Variants in DYRK1A observed in about 807,000 individuals in gnomAD.
The protein encoded by DYRK1A is dual specificity tyrosine phosphorylation regulated kinase 1A.
In DYRK1A, 9 loss-of-function variants were observed where a neutral mutation model predicts 79.7. That is an observed-to-expected ratio of 0.11 (90% CI 0.07 to 0.20). The LOEUF (loss-of-function observed/expected upper bound fraction) is 0.20, where lower values mean the gene tolerates loss of function less well. Among genes scored for constraint, DYRK1A ranks in the 10% least tolerant of loss-of-function variants. DYRK1A has a pLI of 1.00. For synonymous variants in DYRK1A, 349 were observed against 329.7 expected, an observed-to-expected ratio of 1.06 and a Z score of -0.63; for missense variants, 622 against 956.0, an observed-to-expected ratio of 0.65 and a Z score of 4.61.
intron 2 of DYRK1A, among the ~76,000 whole-genome samples, chr21:37,435,569 A>T (rs972491293): frequency 1.3e-5 from 2 of 152,240 alleles, no homozygotes; most frequent in Non-Finnish European, 2.9e-5. Context: ...ACTTCATAAC[A>T]CAAAAGGAAA....
chr21:37,373,546 C>A (rs1281652451), intron 1 of DYRK1A, among the ~76,000 whole-genome samples: 2 of 152,138 alleles, frequency 1.3e-5, no homozygotes, highest in Non-Finnish European at 2.9e-5. Context: ...TATGGTGGCA[C>A]CACGATGTGA....
chr21:37,490,284 T>C lies in DYRK1A; in HGVS notation c.747T>C (p.Ser249=), dbSNP rs1271779380. ...GAAACACCAATTTCCGAGGGGTCTC[T>C]TTGAACCTAACACGAAAGTTTGCGC... The part of the protein sequence containing the change: ...LLRNTNFRGV[S]LNLTRKFAQQ... The change falls in exon 7 of 12, where the codon TCT becomes TCC. Residue 249 remains serine, a synonymous_variant. Transcript: ENST00000647188. 6.2e-7 allele frequency: 1 copy of C among 1,613,886 alleles called. No individual in the cohort carries two copies. The highest frequency in any genetic ancestry group is 8.5e-7 in the Non-Finnish European group (1 of 1,179,790).
chr21:37,445,220 A>ACTT (rs1370473756), intron 2 of DYRK1A, among the ~76,000 whole-genome samples: 1 of 152,220 alleles, frequency 6.6e-6, no homozygotes, highest in African/African-American at 2.4e-5. Flanking sequence ...CCTGCTTGTC[A>ACTT]CTTACAGAAG....
At chr21:37,495,979 T>A in intron 8 of DYRK1A, 139 bp from the exon 9 acceptor site, 2 of 740,498 alleles carry the variant, frequency 2.7e-6, no homozygotes, top group Non-Finnish European at 4.3e-6. Context: ...TTGTGTTTGT[T>A]CATTACTGTA....
intron 1 of DYRK1A, among the ~76,000 whole-genome samples, chr21:37,403,215 T>A (rs1343177580): frequency 1.3e-5 from 2 of 152,138 alleles, no homozygotes; most frequent in Non-Finnish European, 2.9e-5. Context: ...TTCTTTTTTT[T>A]ATAATTTTTA....
intron 8 of DYRK1A, among the ~76,000 whole-genome samples, chr21:37,494,395 C>T (rs1248591885): frequency 1.3e-5 from 2 of 152,048 alleles, no homozygotes; most frequent in African/African-American, 4.8e-5. Flanking sequence ...CCTCTGATGC[C>T]AGTTCTCTCA....
At chr21:37,366,666 C>T (rs2049311743), upstream of DYRK1A, among the ~76,000 whole-genome samples, 1 of 151,670 alleles carries the variant, frequency 6.6e-6, no homozygotes, top group South Asian at 2.1e-4. Context: ...CGGAATCTGC[C>T]GTTACCTGAG....
chr21:37,435,812 A>G (rs1298471217), intron 2 of DYRK1A, among the ~76,000 whole-genome samples: 2 of 152,164 alleles, frequency 1.3e-5, no homozygotes, highest in African/African-American at 4.8e-5. Flanking sequence ...TAGTCTAGCA[A>G]ATAAGAGCAT....
intron 1 of DYRK1A, among the ~76,000 whole-genome samples, chr21:37,381,646 A>G (rs1376934777): frequency 6.6e-6 from 1 of 152,174 alleles, no homozygotes; most frequent in East Asian, 1.9e-4. Flanking sequence ...TATAAGTGCT[A>G]TAGCCAGGTG....
At chr21:37,473,886 C>T (rs1186683830) in intron 3 of DYRK1A, among the ~76,000 whole-genome samples, 1 of 152,118 alleles carries the variant, frequency 6.6e-6, no homozygotes, top group African/African-American at 2.4e-5. Context: ...AGAATTGGGA[C>T]AGTTGTTCAG....
intron 1 of DYRK1A, among the ~76,000 whole-genome samples, chr21:37,375,956 C>T (rs888731490): frequency 1.3e-4 from 19 of 151,900 alleles, no homozygotes; most frequent in East Asian, 1.9e-4. Context: ...CCCGCCAAGC[C>T]CCCCTCTTCC....
chr21:37,379,867 C>G (rs1172388224), intron 1 of DYRK1A, among the ~76,000 whole-genome samples: 1 of 152,102 alleles, frequency 6.6e-6, no homozygotes, highest in East Asian at 1.9e-4. Flanking sequence ...TATTGAGCAC[C>G]TGCTGGTGCC....
chr21:37,398,077 AT>A (rs1444418174), intron 1 of DYRK1A, among the ~76,000 whole-genome samples: 69 of 28,516 alleles, frequency 2.4e-3, no homozygotes, highest in African/African-American at 4.6e-3. Flanking sequence ...TAAAAAAAAA[AT>A]ATATATATAT....
At chr21:37,466,051 A>G (rs2052014901) in intron 2 of DYRK1A, among the ~76,000 whole-genome samples, 1 of 152,226 alleles carries the variant, frequency 6.6e-6, no homozygotes. Flanking sequence ...TCTAGATTCA[A>G]AAAATGAAAC....
At chr21:37,395,603 CA>C (rs1020935304) in intron 1 of DYRK1A, among the ~76,000 whole-genome samples, 6 of 151,852 alleles carry the variant, frequency 4.0e-5, no homozygotes, top group African/African-American at 1.5e-4. Context: ...ATGGGATACT[CA>C]AAAAAAGGTT....
intron 2 of DYRK1A, among the ~76,000 whole-genome samples, chr21:37,462,278 G>A (rs184517076): frequency 3.9e-5 from 6 of 152,076 alleles, no homozygotes; most frequent in African/African-American, 1.2e-4. Context: ...GGATTTTGTT[G>A]TTCTCTTTAA....
intron 1 of DYRK1A, among the ~76,000 whole-genome samples, chr21:37,372,297 A>C (rs1381473541): frequency 1.3e-5 from 2 of 151,550 alleles, no homozygotes; most frequent in Non-Finnish European, 2.9e-5. Context: ...AACAAAACAA[A>C]AAAAAAACAG....
intron 9 of DYRK1A, chr21:37,504,183 G>A (rs1386012201): frequency 1.3e-5 from 2 of 152,222 alleles, no homozygotes; most frequent in Non-Finnish European, 2.9e-5. Context: ...CCCTTCAGCA[G>A]TGTTTGTGTC....
intron 2 of DYRK1A, among the ~76,000 whole-genome samples, chr21:37,457,057 T>C (rs1374937144): frequency 5.9e-4 from 84 of 143,200 alleles, no homozygotes; most frequent in African/African-American, 9.8e-4. Context: ...TATTTATTTA[T>C]TTATTTATTT....
Sources: allele counts gnomAD v4.1 joint callset (sites outside exome capture counted in the v4.1 genomes callset), GRCh38; gene constraint gnomAD v4.1.1; transcripts MANE v1.5; gene names NCBI Gene and HGNC (gene_info 2026-07-23, HGNC 2026-07-21).